ERBIN: variants seen among roughly 807,000 people sequenced by gnomAD.
ERBIN encodes erbb2 interacting protein.
ERBIN carries 60 observed loss-of-function variants against 158.4 expected under a neutral mutation model. The observed-to-expected ratio is 0.38, with a 90% confidence interval of 0.31 to 0.47. ERBIN has a LOEUF of 0.47. Among genes scored for constraint, ERBIN ranks in the 20% least tolerant of loss-of-function variants. ERBIN has a pLI of 0.99. For synonymous variants in ERBIN, 594 were observed against 557.2 expected (o/e 1.07, Z -0.93); for missense variants, 1,610 against 1,648.0 (o/e 0.98, Z 0.40).
At chr5:65,936,511 G>A (rs1030953805) in intron 1 of ERBIN, among the ~76,000 whole-genome samples, 1 of 152,086 alleles carries the variant, frequency 6.6e-6, no homozygotes, top group African/African-American at 2.4e-5. Context: ...TGGATACCTG[G>A]TATCAACAGA....
chr5:66,024,533 A>C, intron 10 of ERBIN, 83 bp downstream of exon 10: 1 of 1,353,950 alleles, frequency 7.4e-7, no homozygotes. Context: ...ACTTGTTATG[A>C]GGTAGTTATA....
chr5:66,047,811 A>G (rs1170609957), intron 18 of ERBIN, among the ~76,000 whole-genome samples: 1 of 152,006 alleles, frequency 6.6e-6, no homozygotes, highest in African/African-American at 2.4e-5. Context: ...AAAAATTATT[A>G]GGTTTGTTAC....
At chr5:66,039,122 ATTAT>A (rs1227943830) in intron 15 of ERBIN, among the ~76,000 whole-genome samples, 1 of 151,912 alleles carries the variant, frequency 6.6e-6, no homozygotes, top group African/African-American at 2.4e-5. Flanking sequence ...GTGGTTTGAA[ATTAT>A]TTATAAATTA....
intron 21 of ERBIN, among the ~76,000 whole-genome samples, chr5:66,060,785 C>A (rs961948005): frequency 1.5e-4 from 23 of 152,198 alleles, no homozygotes; most frequent in African/African-American, 5.1e-4. Context: ...TTTCTACCTT[C>A]ATTTCGTTAG....
Position 66,054,325 on chromosome 5 carries a change from G to A in ERBIN, c.3007G>A (p.Ala1003Thr). ...HSKQNPQIDHASFPPQLLPRS... is the reference protein window; with the variant it reads ...HSKQNPQIDHTSFPPQLLPRS... ...CAAACAAAATCCCCAAATAGACCATGCCAGTTTTCCTCCTCAGCTCCTTCC... is the reference window on the plus strand; with the variant it reads ...CAAACAAAATCCCCAAATAGACCATACCAGTTTTCCTCCTCAGCTCCTTCC... Residue 1003 changes from alanine (A) to threonine (T), a missense_variant, in exon 21 of 26, where the codon GCC (alanine) becomes ACC (threonine). Physicochemically the swap from Ala to Thr is moderately conservative, Grantham distance 58 (BLOSUM62 0). Transcript: ENST00000284037. The A allele has an allele frequency of 1.2e-6, 2 of 1,614,162 alleles. No individual in the cohort carries two copies. The highest frequency in any genetic ancestry group is 1.7e-6 in the Non-Finnish European group (2 of 1,180,016).
chr5:66,059,934 G>T (rs1288499288), intron 21 of ERBIN, among the ~76,000 whole-genome samples: 1 of 152,186 alleles, frequency 6.6e-6, no homozygotes, highest in Non-Finnish European at 1.5e-5. Flanking sequence ...GCTGGATTCA[G>T]TTTGCCAGTA....
intron 4 of ERBIN, among the ~76,000 whole-genome samples, chr5:66,005,775 T>C (rs775776470): frequency 6.6e-6 from 1 of 152,216 alleles, no homozygotes; most frequent in Non-Finnish European, 1.5e-5. Flanking sequence ...AGCCAAATCA[T>C]GAGTGAACTC....
chr5:66,011,913 A>G, intron 4 of ERBIN, 136 bp from the exon 5 acceptor site: 5 of 523,986 alleles, frequency 9.5e-6, no homozygotes, highest in Non-Finnish European at 1.4e-5. Context: ...TTTAGTTCAC[A>G]TTGATGTTGT....
Position 66,054,514 on chromosome 5 carries a change from A to G in ERBIN, c.3196A>G (p.Ile1066Val). The G allele has an allele frequency of 6.2e-7, 1 of 1,614,204 alleles. No individual in the cohort carries two copies. The highest frequency in any genetic ancestry group is 8.5e-7 in the Non-Finnish European group (1 of 1,180,020). ...GGCCATCTCACCAAACGACCGACTT[A>G]TTCCTGCAGTAACTCGAAGTACAAT... Reference protein sequence around the residue: ...MWAISPNDRLIPAVTRSTIQR... With the variant: ...MWAISPNDRLVPAVTRSTIQR... The change falls in exon 21 of 26, where the codon ATT (isoleucine) becomes GTT (valine). Residue 1066 changes from isoleucine (I) to valine (V), a missense_variant. Ile to Val is a conservative substitution (Grantham distance 29, BLOSUM62 3). Around this residue, in one of 2 missense-constraint regions of ERBIN, gnomAD observed 1,014 missense variants for 936.1 expected, o/e 1.08. Coordinates refer to ENST00000284037, the MANE Select transcript of ERBIN (RefSeq NM_001253697.2).
intron 11 of ERBIN, 28 bp from the exon 12 acceptor site, chr5:66,025,820 A>AAT (rs1230700459): frequency 3.8e-6 from 5 of 1,316,220 alleles, no homozygotes; most frequent in South Asian, 3.3e-5. Context: ...TTTAACAAAT[A>AAT]ATATATATTT....
At chr5:66,014,616 T>A in intron 6 of ERBIN, 53 bp from the exon 7 acceptor site, 1 of 849,270 alleles carries the variant, frequency 1.2e-6, no homozygotes, top group Non-Finnish European at 1.8e-6. Flanking sequence ...GAAATTAATT[T>A]ATTAAATTCA....
At chr5:65,972,110 G>A (rs78948216) in intron 1 of ERBIN, among the ~76,000 whole-genome samples, 1 of 152,122 alleles carries the variant, frequency 6.6e-6, no homozygotes, top group East Asian at 1.9e-4. Context: ...GCTATTCCAA[G>A]GGGGTCTGCT....
intron 4 of ERBIN, among the ~76,000 whole-genome samples, chr5:66,004,622 CGA>C (rs1443027413): frequency 6.6e-6 from 1 of 152,106 alleles, no homozygotes; most frequent in Non-Finnish European, 1.5e-5. Context: ...AGGCTGGCCT[CGA>C]AATTGTGACC....
rs1243502532 is a variant in ERBIN at position 66,082,048 on chromosome 5, A to G, written c.*3518A>G. On this transcript the variant is annotated 3_prime_UTR_variant, in exon 26 of 26. Transcript: ENST00000284037. Reference sequence around the variant, plus strand: ...TACAGAATTCATAAGCCCAGGGGATAGTAAGTAGTCATTTAGTTTTGGAAA... The same window carrying G: ...TACAGAATTCATAAGCCCAGGGGATGGTAAGTAGTCATTTAGTTTTGGAAA... The G allele has an allele frequency of 6.6e-6, 1 of 152,182 alleles. No individual in the cohort carries two copies. Among genetic ancestry groups the G allele is most frequent in the Non-Finnish European group, 1.5e-5 (1 of 67,998 alleles). The allele number at this position is 152,182 out of a possible 1,614,324, so 9.4% of individuals were successfully genotyped here. A position where few individuals can be genotyped will look rare whatever the true frequency, so the allele number is the denominator to read the frequency against.
chr5:65,965,802 AAC>A (rs753916910), intron 1 of ERBIN, among the ~76,000 whole-genome samples: 1 of 152,194 alleles, frequency 6.6e-6, no homozygotes, highest in Non-Finnish European at 1.5e-5. Flanking sequence ...CATGGCACAT[AAC>A]ACAATCTGAA....
At position 65,945,366 on chromosome 5, in the gene ERBIN, C is replaced by CA. The variant is rs1161989838; in HGVS notation, c.-58+18561dup. Among the ~76,000 whole-genome samples the CA allele has an allele frequency of 5.9e-5, 9 of 152,306 alleles. 1 individual carries two copies. The South Asian group carries it at 6.2e-4, about 11-fold the overall frequency. ...TTTCTTCATTAGTTTCTATAGTAGT[C>CA]ACCGTTTCTTCCAATGTCATTTAAA... is the stretch of plus-strand genomic sequence containing the variant. On this transcript the variant is annotated intron_variant, in intron 1 of 25. Coordinates refer to ENST00000284037, the MANE Select transcript of ERBIN (RefSeq NM_001253697.2).
chr5:66,023,966 C>T (rs1200996712), intron 9 of ERBIN, among the ~76,000 whole-genome samples: 1 of 152,058 alleles, frequency 6.6e-6, no homozygotes, highest in African/African-American at 2.4e-5. Flanking sequence ...CGTGAGCCAC[C>T]GCGCCCAGCC....
intron 4 of ERBIN, among the ~76,000 whole-genome samples, chr5:66,009,580 A>C (rs1264989902): frequency 6.6e-6 from 1 of 152,206 alleles, no homozygotes; most frequent in Non-Finnish European, 1.5e-5. Context: ...GTTAAATTTC[A>C]TTGAGTTTAG....
chr5:66,007,387 C>T (rs1753717757), intron 4 of ERBIN, among the ~76,000 whole-genome samples: 1 of 145,992 alleles, frequency 6.8e-6, no homozygotes, highest in Admixed American at 6.7e-5. Context: ...CAGGGCCTGT[C>T]GTGGGGTTGG....
Sources: gnomAD v4.1 joint callset for allele counts (sites outside exome capture counted in the v4.1 genomes callset) on GRCh38, gnomAD v4.1.1 for gene constraint, gnomAD v4.1.1 regional missense constraint, MANE v1.5 for transcripts, NCBI Gene and HGNC (gene_info 2026-07-23, HGNC 2026-07-21) for gene names.